Variants in MED12L observed in about 807,000 individuals in gnomAD.
MED12L encodes the protein mediator of RNA polymerase II transcription subunit 12-like protein.
MED12L carries 60 observed loss-of-function variants against 281.3 expected under a neutral mutation model. That is an observed-to-expected ratio of 0.21 (90% CI 0.17 to 0.26). The LOEUF (loss-of-function observed/expected upper bound fraction) is 0.26, where lower values mean the gene tolerates loss of function less well. MED12L is among the 10% of genes least tolerant of loss of function. The pLI is 1.00. For missense variants in MED12L, 2,146 were observed against 2,680.9 expected (o/e 0.80, Z 4.41); for synonymous variants, 974 against 987.2 (o/e 0.99, Z 0.25).
intron 6 of MED12L, among the ~76,000 whole-genome samples, chr3:151,158,430 T>G (rs1286158256): frequency 2.6e-5 from 4 of 151,770 alleles, no homozygotes; most frequent in Non-Finnish European, 4.4e-5. Flanking sequence ...ACACTGGGGG[T>G]GTGAAAGCTT....
chr3:151,191,585 G>A (rs1723988997), intron 14 of MED12L, among the ~76,000 whole-genome samples: 1 of 152,162 alleles, frequency 6.6e-6, no homozygotes, highest in Non-Finnish European at 1.5e-5. Context: ...TATAGAAAAT[G>A]ACGAGAACTT....
intron 5 of MED12L, among the ~76,000 whole-genome samples, chr3:151,137,979 G>T (rs1716392228): frequency 6.6e-6 from 1 of 152,080 alleles, no homozygotes; most frequent in Admixed American, 6.5e-5. Context: ...ACTATATAAA[G>T]ATGTGCAGAA....
intron 16 of MED12L, among the ~76,000 whole-genome samples, chr3:151,246,880 G>C (rs1434800296): frequency 6.6e-6 from 1 of 152,118 alleles, no homozygotes; most frequent in African/African-American, 2.4e-5. Context: ...ATCTGACAAA[G>C]GGTAATGTCC....
At chr3:151,120,890 T>C (rs1464649635) in intron 3 of MED12L, among the ~76,000 whole-genome samples, 2 of 152,248 alleles carry the variant, frequency 1.3e-5, no homozygotes, top group African/African-American at 2.4e-5. Context: ...ATTTTGACTT[T>C]GTTAACAGTA....
intron 16 of MED12L, among the ~76,000 whole-genome samples, chr3:151,298,585 T>G (rs1559998645): frequency 6.6e-6 from 1 of 152,226 alleles, no homozygotes; most frequent in East Asian, 1.9e-4. Context: ...CCTTTTAAAT[T>G]AACAAATGCA....
chr3:151,135,451 A>G (rs890811483), intron 5 of MED12L, among the ~76,000 whole-genome samples: 16 of 152,344 alleles, frequency 1.1e-4, no homozygotes, highest in African/African-American at 3.4e-4. Context: ...GCCAGTATTT[A>G]TTGATTATCC....
At position 151,230,649 on chromosome 3, in the gene MED12L, C is replaced by G. The variant is rs192517385; in HGVS notation, c.2250+36983C>G. 3.2e-4 allele frequency among the ~76,000 whole-genome samples: 47 copies of G among 146,536 alleles called. No homozygotes were observed. The East Asian group carries it at 8.2e-3, about 26-fold the overall frequency. ...CTATGTGTTATTGCTTTTCTCTTTTCTATTTTCAACGTCTCTTTCTAAGGG... is the reference window on the plus strand; with the variant it reads ...CTATGTGTTATTGCTTTTCTCTTTTGTATTTTCAACGTCTCTTTCTAAGGG... On this transcript the variant is annotated intron_variant, in intron 16 of 44. Transcript: ENST00000687756.
At chr3:151,373,337 G>A (rs894440766) in intron 27 of MED12L, among the ~76,000 whole-genome samples, 2 of 152,148 alleles carry the variant, frequency 1.3e-5, no homozygotes, top group Non-Finnish European at 2.9e-5. Context: ...CAAGGGTGAT[G>A]TTAATTTTGA....
chr3:151,141,921 C>T (rs1717084282), intron 5 of MED12L, among the ~76,000 whole-genome samples: 1 of 152,196 alleles, frequency 6.6e-6, no homozygotes, highest in African/African-American at 2.4e-5. Context: ...TTCACTCCCA[C>T]TTGAATTAAT....
At chr3:151,409,526 A>G (rs1716722835) in intron 40 of MED12L, among the ~76,000 whole-genome samples, 194 bp downstream of exon 40, 1 of 152,260 alleles carries the variant, frequency 6.6e-6, no homozygotes, top group Non-Finnish European at 1.5e-5. Flanking sequence ...ATTAAGGAGC[A>G]TAAAACATTC....
intron 16 of MED12L, among the ~76,000 whole-genome samples, chr3:151,200,097 G>C (rs1014026881): frequency 2.0e-5 from 3 of 152,156 alleles, no homozygotes; most frequent in African/African-American, 4.8e-5. Context: ...TTCAACACTT[G>C]AGTCGCTTTT....
chr3:151,417,813 T>G (rs1717794592), intron 43 of MED12L, among the ~76,000 whole-genome samples: 1 of 152,168 alleles, frequency 6.6e-6, no homozygotes, highest in Non-Finnish European at 1.5e-5. Flanking sequence ...ATGGATCTAG[T>G]TTTTCCAGCT....
intron 3 of MED12L, among the ~76,000 whole-genome samples, chr3:151,119,941 G>T (rs578030012): frequency 1.3e-5 from 2 of 151,882 alleles, no homozygotes; most frequent in Non-Finnish European, 2.9e-5. Context: ...ATTTCTGGCC[G>T]TGTGTGGTGG....
chr3:151,415,244 T>C (rs1246167456), intron 42 of MED12L, among the ~76,000 whole-genome samples: 1 of 152,246 alleles, frequency 6.6e-6, no homozygotes, highest in East Asian at 1.9e-4. Context: ...CAACACATTC[T>C]TCCCTGGAGA....
intron 5 of MED12L, among the ~76,000 whole-genome samples, chr3:151,152,139 G>T (rs1718632170): frequency 8.7e-6 from 1 of 115,606 alleles, no homozygotes; most frequent in Admixed American, 1.3e-4. Context: ...TCACTCGGTT[G>T]CCCAGGCTGG....
At chr3:151,353,543 G>T (rs1297713722) in intron 17 of MED12L, among the ~76,000 whole-genome samples, 3 of 152,164 alleles carry the variant, frequency 2.0e-5, no homozygotes, top group Admixed American at 6.5e-5. Context: ...CTAGCATCAA[G>T]GTTTCTTTGT....
At chr3:151,280,224 G>C (rs1742592551) in intron 16 of MED12L, among the ~76,000 whole-genome samples, 1 of 152,194 alleles carries the variant, frequency 6.6e-6, no homozygotes, top group Admixed American at 6.5e-5. Flanking sequence ...GAAAGCTAAA[G>C]GGCCCACCCA....
intron 5 of MED12L, among the ~76,000 whole-genome samples, chr3:151,131,113 C>T (rs545373676): frequency 6.6e-6 from 1 of 152,166 alleles, no homozygotes; most frequent in Admixed American, 6.5e-5. Flanking sequence ...ATCCTTGAAA[C>T]TTTCATTATC....
chr3:151,089,343 T>G (rs928653406), intron 2 of MED12L, among the ~76,000 whole-genome samples: 2 of 152,046 alleles, frequency 1.3e-5, no homozygotes, highest in Middle Eastern at 3.4e-3. Context: ...TTGTGTTCCA[T>G]TAGAGATAGC....
Sources: gnomAD v4.1 joint callset for allele counts (sites outside exome capture counted in the v4.1 genomes callset) on GRCh38, gnomAD v4.1.1 for gene constraint, MANE v1.5 for transcripts, NCBI Gene and HGNC (gene_info 2026-07-23, HGNC 2026-07-21) for gene names.